Variants in CTIF observed in about 807,000 individuals in gnomAD.
CTIF encodes CBP80/20-dependent translation initiation factor.
In CTIF, 21 loss-of-function variants were observed where a neutral mutation model predicts 66.0. The observed-to-expected ratio is 0.32, with a 90% CI of 0.23 to 0.46. The LOEUF (loss-of-function observed/expected upper bound fraction) is 0.46, where lower values mean the gene tolerates loss of function less well. CTIF is among the 20% of genes least tolerant of loss of function. CTIF has a pLI of 1.00. For synonymous variants in CTIF, 345 were observed against 326.4 expected (o/e 1.06, Z -0.62); for missense variants, 739 against 812.7 (o/e 0.91, Z 1.10).
intron 7 of CTIF, among the ~76,000 whole-genome samples, chr18:48,712,883 T>C (rs1250268924): frequency 6.6e-6 from 1 of 152,170 alleles, no homozygotes; most frequent in Non-Finnish European, 1.5e-5. Flanking sequence ...GTGGATTAAG[T>C]GGATCTGAAC....
chr18:48,774,481 G>A (rs1218776999), intron 9 of CTIF, among the ~76,000 whole-genome samples: 2 of 152,108 alleles, frequency 1.3e-5, no homozygotes, highest in Non-Finnish European at 2.9e-5. Flanking sequence ...TCTTTGGGGG[G>A]GACAGGGAGG....
intron 7 of CTIF, among the ~76,000 whole-genome samples, chr18:48,753,516 C>T (rs556311628): frequency 5.7e-4 from 87 of 151,624 alleles, no homozygotes; most frequent in African/African-American, 2.0e-3. Context: ...TAGAGTAAAA[C>T]AAGACATCTG....
chr18:48,586,482 G>A (rs563941887), intron 1 of CTIF, among the ~76,000 whole-genome samples: 1 of 152,158 alleles, frequency 6.6e-6, no homozygotes, highest in African/African-American at 2.4e-5. Context: ...TGTTGGCCAG[G>A]CTGGTCTCAA....
chr18:48,634,882 C>T (rs773195606), intron 2 of CTIF, among the ~76,000 whole-genome samples: 28 of 152,072 alleles, frequency 1.8e-4, no homozygotes, highest in African/African-American at 1.9e-4. Context: ...ATTTCTAACA[C>T]GGAATGGAAA....
Position 48,761,224 on chromosome 18 carries a change from G to T in CTIF, c.1072-166G>T. On this transcript the variant is annotated intron_variant, in intron 8 of 11. Coordinates refer to ENST00000256413, the MANE Select transcript of CTIF (RefSeq NM_014772.3). This position sits in a 1 kb window ranked among gnomAD's most constrained non-coding sequence, Gnocchi z 4.2. ...AAAAAGGCAACAAGGAGCTTTTGGC[G>T]CATGAGGGGTCTTTGGTGGAGGTTC... The T allele has an allele frequency of 4.8e-6, 3 of 622,034 alleles. No homozygotes were observed. Among genetic ancestry groups the T allele is most frequent in the Non-Finnish European group, 8.3e-6 (3 of 361,474 alleles). The allele number at this position is 622,034 out of a possible 1,614,324, so 38.5% of individuals were successfully genotyped here. A position where few individuals can be genotyped will look rare whatever the true frequency, so the allele number is the denominator to read the frequency against.
chr18:48,632,116 G>A (rs192113360), intron 2 of CTIF, among the ~76,000 whole-genome samples: 324 of 152,302 alleles, frequency 2.1e-3, no homozygotes, highest in African/African-American at 4.3e-3. Flanking sequence ...GAGGAACTTC[G>A]GAATAGGGAA....
chr18:48,765,997 C>T (rs571741413), intron 9 of CTIF, among the ~76,000 whole-genome samples: 67 of 149,398 alleles, frequency 4.5e-4, no homozygotes, highest in Admixed American at 1.0e-3. Flanking sequence ...TACATGTGCA[C>T]AACATGCAGG....
intron 11 of CTIF, among the ~76,000 whole-genome samples, chr18:48,858,037 G>A (rs2069370286): frequency 6.6e-6 from 1 of 152,272 alleles, no homozygotes; most frequent in Admixed American, 6.5e-5. Flanking sequence ...CCACCCGAAA[G>A]CACACCTCTT....
chr18:48,853,529 A>T (rs964623751), intron 10 of CTIF, among the ~76,000 whole-genome samples: 3 of 152,164 alleles, frequency 2.0e-5, no homozygotes, highest in African/African-American at 7.2e-5. Context: ...CCACCTGCTC[A>T]TCATTTGAGC....
rs980494365 is a variant in CTIF, at chr18:48,860,815, G to A, written c.*1256G>A. 1 of 152,230 alleles carries A rather than the reference G, an allele frequency of 6.6e-6. No individual in the cohort carries two copies. The highest frequency in any genetic ancestry group is 1.5e-5 in the Non-Finnish European group (1 of 68,052). 9.4% of individuals were successfully genotyped at this position (152,230 alleles called of 1,614,324 possible). On this transcript the variant is annotated 3_prime_UTR_variant, in exon 12 of 12. Coordinates refer to ENST00000256413, the MANE Select transcript of CTIF (RefSeq NM_014772.3). The stretch of plus-strand genomic sequence containing the variant: ...TGGAAGGGACAGTCAGGTGACCAGC[G>A]GGGTCGCCAGATGAAGCTTCCCAGC...
chr18:48,841,609 G>T (rs1568261702), intron 10 of CTIF, among the ~76,000 whole-genome samples: 3 of 152,254 alleles, frequency 2.0e-5, no homozygotes, highest in African/African-American at 4.8e-5. Context: ...TTTCCAGCAG[G>T]CGCCACTTCT....
Position 48,669,805 on chromosome 18 carries a change from A to G in CTIF, c.432-864A>G, listed in dbSNP as rs1214213238. Among the ~76,000 whole-genome samples, 86 of 89,486 alleles carry G rather than the reference A, an allele frequency of 9.6e-4. 1 individual carries two copies. Among genetic ancestry groups the G allele is most frequent in the African/African-American group, 3.5e-3 (81 of 23,008 alleles). 58.7% of individuals were successfully genotyped at this position (89,486 alleles called of 152,430 possible). A position where few individuals can be genotyped will look rare whatever the true frequency, so the allele number is the denominator to read the frequency against. On this transcript the variant is annotated intron_variant, in intron 5 of 11. Transcript: ENST00000256413. ...ACAAGCTAAACATTTATATATATAT[A>G]TATATATATATATATATATATATAT...
chr18:48,673,002 T>C (rs1182465910), intron 6 of CTIF, among the ~76,000 whole-genome samples: 1 of 152,152 alleles, frequency 6.6e-6, no homozygotes, highest in African/African-American at 2.4e-5. Flanking sequence ...CACTCAGCCC[T>C]TCTCTGCCTG....
intron 6 of CTIF, 144 bp downstream of exon 6, chr18:48,670,888 G>A: frequency 1.5e-6 from 1 of 661,950 alleles, no homozygotes; most frequent in South Asian, 1.8e-5. Context: ...GTAATAGGCA[G>A]GGCTGGCTAC....
At chr18:48,807,409 TGA>T (rs1215860644) in intron 9 of CTIF, among the ~76,000 whole-genome samples, 1 of 152,226 alleles carries the variant, frequency 6.6e-6, no homozygotes, top group African/African-American at 2.4e-5. Flanking sequence ...ATTCCGCTAT[TGA>T]GAGACAACTC....
rs112081914 is a variant in CTIF at position 48,783,405 on chromosome 18, TA to T, written c.1371+21727del. Among the ~76,000 whole-genome samples the T allele has an allele frequency of 5.2e-3, 775 of 148,132 alleles. 4 individuals carry two copies. Among genetic ancestry groups the T allele is most frequent in the African/African-American group, 8.6e-3 (350 of 40,660 alleles). Reference sequence around the variant, plus strand: ...TTTTATGATATGACGGATGAAGCTTTAAAAAAAAAAATGCTTAGCAAAATAA... The same window carrying T: ...TTTTATGATATGACGGATGAAGCTTTAAAAAAAAAATGCTTAGCAAAATAA... On this transcript the variant is annotated intron_variant, in intron 9 of 11. Transcript: ENST00000256413.
chr18:48,749,173 G>A (rs147333812), intron 7 of CTIF, among the ~76,000 whole-genome samples: 475 of 152,252 alleles, frequency 3.1e-3, no homozygotes, highest in Middle Eastern at 6.8e-3. Flanking sequence ...AGTGACTTCC[G>A]GGAGAGCAAC....
intron 10 of CTIF, among the ~76,000 whole-genome samples, chr18:48,850,044 A>G (rs753464268): frequency 1.6e-4 from 25 of 152,206 alleles, no homozygotes; most frequent in Admixed American, 3.9e-4. Context: ...AGTTCCTGGC[A>G]CCCACCATTC....
intron 9 of CTIF, among the ~76,000 whole-genome samples, chr18:48,767,805 G>T (rs894835858): frequency 6.6e-6 from 1 of 152,140 alleles, no homozygotes; most frequent in Non-Finnish European, 1.5e-5. Context: ...AGAGTTTCTG[G>T]CTGGGTCATC....
Sources: allele counts gnomAD v4.1 joint callset (sites outside exome capture counted in the v4.1 genomes callset), GRCh38; gene constraint gnomAD v4.1.1; non-coding constraint Gnocchi (gnomAD v3.1); transcripts MANE v1.5; gene names NCBI Gene and HGNC (gene_info 2026-07-23, HGNC 2026-07-21).